Variants in PIPOX observed in about 807,000 individuals in gnomAD.
PIPOX encodes the protein peroxisomal sarcosine oxidase.
Under a neutral mutation model 47.9 loss-of-function variants are expected in PIPOX, and 45 were observed. That is an observed-to-expected ratio of 0.94 (90% CI 0.74 to 1.20). The LOEUF (loss-of-function observed/expected upper bound fraction) is 1.20. PIPOX is among the 50% of genes most tolerant of loss of function. PIPOX has a pLI of 0.00. For synonymous variants in PIPOX, 165 were observed against 191.3 expected, an observed-to-expected ratio of 0.86 and a Z score of 1.13; for missense variants, 458 against 498.4, an observed-to-expected ratio of 0.92 and a Z score of 0.77.
In PIPOX at chr17:29,054,988, C is replaced by T. The variant is rs1258297558; in HGVS notation, c.808-75C>T. ...ATGATGGATGGGGCTGTCCTGTGTA[C>T]ACGCCTGCCCTTCGGCTGTGGGTGT... On this transcript the variant is annotated intron_variant, in intron 5 of 7. Coordinates refer to ENST00000323372, the MANE Select transcript of PIPOX (RefSeq NM_016518.3). 15 of 1,576,594 alleles carry T rather than the reference C, an allele frequency of 9.5e-6. No homozygotes were observed. In the Admixed American group the frequency reaches 2.0e-4, roughly 21 times the overall value.
At chr17:29,053,761 C>A in intron 4 of PIPOX, 166 bp downstream of exon 4, 2 of 522,170 alleles carry the variant, frequency 3.8e-6, no homozygotes, top group Non-Finnish European at 6.8e-6. Flanking sequence ...GGGATGATAG[C>A]TACCTCATAG....
intron 2 of PIPOX, among the ~76,000 whole-genome samples, chr17:29,045,834 T>C (rs542782964): frequency 1.3e-5 from 2 of 152,330 alleles, no homozygotes; most frequent in South Asian, 4.1e-4. Flanking sequence ...AATGGGGACG[T>C]TCCCCAGGCT....
In PIPOX at chr17:29,045,928, A is replaced by G. The variant is rs80141163; in HGVS notation, c.263+921A>G. 3.3e-3 allele frequency among the ~76,000 whole-genome samples: 503 copies of G among 152,154 alleles called. 5 individuals carry two copies. Among genetic ancestry groups the G allele is most frequent in the East Asian group, 2.9e-3 (15 of 5,168 alleles). On this transcript the variant is annotated intron_variant, in intron 2 of 7. Coordinates refer to ENST00000323372, the MANE Select transcript of PIPOX (RefSeq NM_016518.3). ...CCAACCCTTGACCTTTCAAACACTC[A>G]TGGGAAAGAAAGCCAATAATCTGTG... is the stretch of plus-strand genomic sequence containing the variant.
At chr17:29,054,379 C>T (rs1197787119) in intron 4 of PIPOX, among the ~76,000 whole-genome samples, 166 bp from the exon 5 acceptor site, 1 of 152,076 alleles carries the variant, frequency 6.6e-6, no homozygotes, top group African/African-American at 2.4e-5. Context: ...CATCATAACA[C>T]ATGTAACAGG....
In PIPOX at chr17:29,045,036, G is replaced by T. The variant is rs529274412; in HGVS notation, c.263+29G>T. The T allele has an allele frequency of 2.6e-6, 4 of 1,568,344 alleles. No individual in the cohort carries two copies. The Admixed American group carries it at 7.5e-5, about 29-fold the overall frequency. On this transcript the variant is annotated intron_variant, in intron 2 of 7. Coordinates refer to ENST00000323372, the MANE Select transcript of PIPOX (RefSeq NM_016518.3). Reference sequence around the variant, plus strand: ...GGCTGTGGGAGGAATTCCTTGAATCGTGGGGCTCTGCACCTGCAGGTACTT... The same window carrying T: ...GGCTGTGGGAGGAATTCCTTGAATCTTGGGGCTCTGCACCTGCAGGTACTT...
At chr17:29,056,134 TG>T in intron 7 of PIPOX, 40 bp from the exon 8 acceptor site, 1 of 1,612,352 alleles carries the variant, frequency 6.2e-7, no homozygotes, top group African/African-American at 1.3e-5. Flanking sequence ...GCTCAACCTC[TG>T]TCTGTGAAGC....
chr17:29,056,023 A>AG lies in PIPOX; in HGVS notation c.1042+136dup, dbSNP rs1331836970. The AG allele has an allele frequency of 8.8e-6, 11 of 1,245,348 alleles. No homozygotes were observed. The African/African-American group carries it at 1.6e-4, about 18-fold the overall frequency. 77.1% of individuals were successfully genotyped at this position (1,245,348 alleles called of 1,614,324 possible). On this transcript the variant is annotated intron_variant, in intron 7 of 7. Transcript: ENST00000323372. The stretch of plus-strand genomic sequence containing the variant: ...CATTGTAGGTATAAGGAGGCTGGGC[A>AG]GTCAGAAAAGGGGTATTCATGGTGG...
In PIPOX at chr17:29,052,908, A is replaced by AT. The variant is rs747081418; in HGVS notation, c.264-6dup. 4.3e-6 allele frequency: 7 copies of AT among 1,613,522 alleles called. No homozygotes were observed. In the East Asian group the frequency reaches 8.9e-5, roughly 21 times the overall value. Reference sequence around the variant, plus strand: ...AAACACACCTTCACCTAGGTGACTTATTTTTTAACAGGCAGACTGGATTAC... The same window carrying AT: ...AAACACACCTTCACCTAGGTGACTTATTTTTTTAACAGGCAGACTGGATTAC... On this transcript the variant is annotated splice_polypyrimidine_tract_variant and intron_variant, in intron 2 of 7. Coordinates refer to ENST00000323372, the MANE Select transcript of PIPOX (RefSeq NM_016518.3).
chr17:29,050,341 T>C (rs773439123), intron 2 of PIPOX, among the ~76,000 whole-genome samples: 2 of 152,146 alleles, frequency 1.3e-5, no homozygotes, highest in Non-Finnish European at 2.9e-5. Flanking sequence ...CAGGACCCCA[T>C]TGGGTAAAAA....
chr17:29,045,403 C>CTTTTTTTT lies in PIPOX; in HGVS notation c.263+417_263+424dup, dbSNP rs57047541. Among the ~76,000 whole-genome samples the CTTTTTTTT allele has an allele frequency of 5.1e-4, 26 of 50,978 alleles. 4 individuals carry two copies. The highest frequency in any genetic ancestry group is 6.3e-4 in the Non-Finnish European group (18 of 28,372). The allele number at this position is 50,978 out of a possible 152,430, so 33.4% of individuals were successfully genotyped here. ...GGAGGAGGCTGCTTTCAGGAGGATT[C>CTTTTTTTT]TTTTTTTTTTTTTTTTTTTTTTTTT... On this transcript the variant is annotated intron_variant, in intron 2 of 7. Transcript: ENST00000323372.
chr17:29,052,210 A>G (rs2065809038), intron 2 of PIPOX, among the ~76,000 whole-genome samples: 1 of 151,190 alleles, frequency 6.6e-6, no homozygotes, highest in Non-Finnish European at 1.5e-5. Context: ...AATACAGAAC[A>G]GAGAGATCAA....
intron 2 of PIPOX, among the ~76,000 whole-genome samples, chr17:29,051,597 C>G (rs2065806575): frequency 6.6e-6 from 1 of 152,216 alleles, no homozygotes; most frequent in South Asian, 2.1e-4. Flanking sequence ...TTGTTTCTAT[C>G]CGTTTCCCCC....
intron 5 of PIPOX, 74 bp downstream of exon 5, chr17:29,054,765 C>A: frequency 6.6e-7 from 1 of 1,522,918 alleles, no homozygotes; most frequent in Non-Finnish European, 9.0e-7. Flanking sequence ...CTTTCCCCTC[C>A]ATAGATGCCC....
chr17:29,045,967 TTTAACCA>T (rs2065784283), intron 2 of PIPOX, among the ~76,000 whole-genome samples: 1 of 152,130 alleles, frequency 6.6e-6, no homozygotes, highest in Non-Finnish European at 1.5e-5. Flanking sequence ...CAATGGGAAC[TTTAACCA>T]TCCCACCTCC....
intron 4 of PIPOX, among the ~76,000 whole-genome samples, 190 bp from the exon 5 acceptor site, chr17:29,054,355 C>T (rs2065818462): frequency 6.6e-6 from 1 of 152,090 alleles, no homozygotes; most frequent in African/African-American, 2.4e-5. Context: ...GACAGAGGCT[C>T]AGAGATGTTT....
At chr17:29,054,443 C>T in intron 4 of PIPOX, 102 bp from the exon 5 acceptor site, 5 of 1,291,336 alleles carry the variant, frequency 3.9e-6, no homozygotes, top group Non-Finnish European at 5.5e-6. Flanking sequence ...ACTGGGTGTC[C>T]AGGCTTGTGT....
Position 29,056,427 on chromosome 17 carries a change from A to C in PIPOX, c.*122A>C, listed in dbSNP as rs962539168. The C allele has an allele frequency of 5.4e-6, 6 of 1,117,248 alleles. No homozygotes were observed. The highest frequency in any genetic ancestry group is 6.4e-6 in the Non-Finnish European group (5 of 777,126). The allele number at this position is 1,117,248 out of a possible 1,614,324, so 69.2% of individuals were successfully genotyped here. On this transcript the variant is annotated 3_prime_UTR_variant, in exon 8 of 8. Coordinates refer to ENST00000323372, the MANE Select transcript of PIPOX (RefSeq NM_016518.3). ...TTCTTCTGCCTCGCCTGAATCCCCC[A>C]TAAACACCAGATGATTGAGTCTACC... is the stretch of plus-strand genomic sequence containing the variant.
intron 2 of PIPOX, chr17:29,046,573 T>A (rs2065786242): frequency 1.0e-6 from 1 of 984,482 alleles, no homozygotes; most frequent in Non-Finnish European, 1.2e-6. Context: ...CAGTCCCTTA[T>A]TGACCCATTC....
In PIPOX at chr17:29,055,887, T is replaced by G. The variant is rs1489535031; in HGVS notation, c.1041T>G (p.Ser347=). ...ACATTGTCATTGGTGCTGGATTCTCTGGTGAGTCTGAGCTGGGGGGAATGG... is the reference window on the plus strand; with the variant it reads ...ACATTGTCATTGGTGCTGGATTCTCGGGTGAGTCTGAGCTGGGGGGAATGG... The part of the protein sequence containing the change: ...YDNIVIGAGF[S]GHGFKLAPVV... Residue 347 remains serine, a splice_region_variant and synonymous_variant, in exon 7 of 8, where the codon TCT becomes TCG. Coordinates refer to ENST00000323372, the MANE Select transcript of PIPOX (RefSeq NM_016518.3). The G allele has an allele frequency of 3.1e-6, 5 of 1,613,740 alleles. No homozygotes were observed. The Admixed American group carries it at 5.0e-5, about 16-fold the overall frequency.
Sources: allele counts gnomAD v4.1 joint callset (sites outside exome capture counted in the v4.1 genomes callset), GRCh38; gene constraint gnomAD v4.1.1; transcripts MANE v1.5; gene names NCBI Gene and HGNC (gene_info 2026-07-23, HGNC 2026-07-21).